Variants in JAZF1 observed in about 807,000 individuals in gnomAD.
JAZF1 encodes the protein juxtaposed with another zinc finger protein 1.
A neutral mutation model predicts 26.4 loss-of-function variants in JAZF1; 8 were observed. The observed-to-expected ratio is 0.30, with a 90% confidence interval of 0.18 to 0.55. The LOEUF (loss-of-function observed/expected upper bound fraction) is 0.55, where lower values mean the gene tolerates loss of function less well. Among genes scored for constraint, JAZF1 ranks in the 20% least tolerant of loss-of-function variants. The pLI is 0.94. For synonymous variants in JAZF1, 126 were observed against 122.3 expected (o/e 1.03, Z -0.20); for missense variants, 199 against 322.0 (o/e 0.62, Z 2.92).
intron 2 of JAZF1, among the ~76,000 whole-genome samples, chr7:27,940,690 A>G (rs1784833448): frequency 6.6e-6 from 1 of 152,112 alleles, no homozygotes; most frequent in Admixed American, 6.5e-5. Flanking sequence ...TGGGTCTCCG[A>G]TCAGAAGGGG....
intron 2 of JAZF1, among the ~76,000 whole-genome samples, chr7:27,944,530 T>C (rs1562536433): frequency 1.3e-5 from 2 of 152,252 alleles, no homozygotes; most frequent in African/African-American, 4.8e-5. Context: ...GCAGCTATTA[T>C]CTACTTTTTT....
At chr7:28,152,236 G>T (rs1343912043) in intron 1 of JAZF1, among the ~76,000 whole-genome samples, 1 of 152,190 alleles carries the variant, frequency 6.6e-6, no homozygotes, top group Non-Finnish European at 1.5e-5. Context: ...ATGGTTTCAT[G>T]ACAGGGTTGC....
chr7:27,923,787 A>G (rs1784570934), intron 2 of JAZF1, among the ~76,000 whole-genome samples: 1 of 152,208 alleles, frequency 6.6e-6, no homozygotes, highest in Non-Finnish European at 1.5e-5. Flanking sequence ...CAGTGACATG[A>G]TTTAGTGGCT....
rs144925114 is a variant in JAZF1, at chr7:27,941,716, C to T, written c.189-46300G>A. On this transcript the variant is annotated intron_variant, in intron 2 of 4. Coordinates refer to ENST00000283928, the MANE Select transcript of JAZF1 (RefSeq NM_175061.4). ...GTCAAAATGATAAAACTAGCCGTAG[C>T]AAAACCCTCACCACCATACAATTAG... Among the ~76,000 whole-genome samples the T allele has an allele frequency of 5.4e-3, 815 of 152,276 alleles. 9 individuals are homozygous for T. Among genetic ancestry groups the T allele is most frequent in the African/African-American group, 0.018 (752 of 41,550 alleles).
At chr7:28,000,415 G>C (rs1357373825) in intron 1 of JAZF1, among the ~76,000 whole-genome samples, 3 of 152,088 alleles carry the variant, frequency 2.0e-5, no homozygotes, top group Non-Finnish European at 4.4e-5. Context: ...TCAAAGTTGA[G>C]AAACCCTGCT....
chr7:27,945,547 C>T (rs1279804459), intron 2 of JAZF1, among the ~76,000 whole-genome samples: 2 of 152,136 alleles, frequency 1.3e-5, no homozygotes, highest in African/African-American at 2.4e-5. Flanking sequence ...TACACCTGTC[C>T]GTTTTTTACG....
chr7:28,131,236 A>G (rs1344318681), intron 1 of JAZF1, among the ~76,000 whole-genome samples: 2 of 152,182 alleles, frequency 1.3e-5, no homozygotes, highest in African/African-American at 4.8e-5. Flanking sequence ...CCTCAATGCA[A>G]TATGATTGAA....
At chr7:28,167,113 A>G (rs1783381183) in intron 1 of JAZF1, among the ~76,000 whole-genome samples, 1 of 152,178 alleles carries the variant, frequency 6.6e-6, no homozygotes, top group African/African-American at 2.4e-5. Context: ...TAATCCTCAT[A>G]ACAACACTGG....
At chr7:27,995,310 G>T (rs961280428) in intron 1 of JAZF1, among the ~76,000 whole-genome samples, 1 of 152,162 alleles carries the variant, frequency 6.6e-6, no homozygotes, top group African/African-American at 2.4e-5. Context: ...ATAGCCACAT[G>T]AGGCTCCTTA....
chr7:28,099,368 CTTTTTTTTTTT>C, intron 1 of JAZF1, among the ~76,000 whole-genome samples: 1 of 139,886 alleles, frequency 7.1e-6, no homozygotes, highest in South Asian at 2.3e-4. Flanking sequence ...TTTTTTTTTT[CTTTTTTTTTTT>C]ACAGCTAATA....
Position 27,947,921 on chromosome 7 carries a change from C to T in JAZF1, c.188+43988G>A, listed in dbSNP as rs1032988500. ...GACAAGCCGTCTCTACCTCCAGCAT[C>T]CACGGGCTAACTCTGCTTGCTTTCC... On this transcript the variant is annotated intron_variant, in intron 2 of 4. Coordinates refer to ENST00000283928, the MANE Select transcript of JAZF1 (RefSeq NM_175061.4). Among the ~76,000 whole-genome samples the T allele has an allele frequency of 5.9e-5, 9 of 152,184 alleles. No homozygotes were observed. The East Asian group carries it at 1.3e-3, about 23-fold the overall frequency.
chr7:27,970,879 A>C (rs1785362590), intron 2 of JAZF1, among the ~76,000 whole-genome samples: 1 of 152,206 alleles, frequency 6.6e-6, no homozygotes, highest in Non-Finnish European at 1.5e-5. Context: ...TATTTTGGGA[A>C]GCAGTCCACA....
At chr7:27,857,035 A>G (rs906850859) in intron 3 of JAZF1, among the ~76,000 whole-genome samples, 1 of 152,256 alleles carries the variant, frequency 6.6e-6, no homozygotes, top group South Asian at 2.1e-4. Context: ...GCTGCCTGCC[A>G]GTCCCGCGCC....
chr7:28,090,904 G>A (rs1007396751), intron 1 of JAZF1, among the ~76,000 whole-genome samples: 2 of 139,182 alleles, frequency 1.4e-5, no homozygotes, highest in Non-Finnish European at 3.0e-5. Context: ...TCGGCTCACT[G>A]CAAGCTCCGC....
chr7:27,860,052 A>G (rs1783350647), intron 3 of JAZF1, among the ~76,000 whole-genome samples: 1 of 152,182 alleles, frequency 6.6e-6, no homozygotes, highest in Non-Finnish European at 1.5e-5. Context: ...TTTATTTCTT[A>G]ATTTAACCCA....
chr7:28,059,258 T>A (rs1783761901), intron 1 of JAZF1, among the ~76,000 whole-genome samples: 1 of 152,202 alleles, frequency 6.6e-6, no homozygotes, highest in Non-Finnish European at 1.5e-5. Context: ...TCAACTTTTC[T>A]TTGTGTGTTG....
intron 1 of JAZF1, among the ~76,000 whole-genome samples, chr7:28,153,731 T>C (rs1047711536): frequency 1.1e-4 from 17 of 152,198 alleles, no homozygotes; most frequent in Non-Finnish European, 1.8e-4. Context: ...CATTTCTTGA[T>C]AGCCTTTCTA....
At chr7:28,005,882 T>TA (rs11355665) in intron 1 of JAZF1, among the ~76,000 whole-genome samples, 6,278 of 138,026 alleles carry the variant, frequency 0.045, 467 homozygotes, top group African/African-American at 0.16. Flanking sequence ...TTCTGTTGCT[T>TA]AAAAAAAAAA....
Position 27,894,168 on chromosome 7 carries a change from A to T in JAZF1, c.385+1052T>A, listed in dbSNP as rs182880244. Among the ~76,000 whole-genome samples, 7 of 152,276 alleles carry T rather than the reference A, an allele frequency of 4.6e-5. No homozygotes were observed. The East Asian group carries it at 1.2e-3, about 25-fold the overall frequency. The stretch of plus-strand genomic sequence containing the variant: ...AGGTGTAAGCTCCTGAGGTCAGGGC[A>T]GGGGGCCTCTCTCTGCTCACCTCAG... On this transcript the variant is annotated intron_variant, in intron 3 of 4. Transcript: ENST00000283928.
Sources: allele counts gnomAD v4.1 joint callset (sites outside exome capture counted in the v4.1 genomes callset), GRCh38; gene constraint gnomAD v4.1.1; transcripts MANE v1.5; gene names NCBI Gene and HGNC (gene_info 2026-07-23, HGNC 2026-07-21).